Variants in TFCP2L1 observed in about 807,000 individuals in gnomAD.
TFCP2L1 encodes transcription factor CP2-like protein 1.
In TFCP2L1, 12 loss-of-function variants were observed where a neutral mutation model predicts 72.2. That is an observed-to-expected ratio of 0.17 (90% CI 0.11 to 0.27). The LOEUF is 0.27. Among genes scored for constraint, TFCP2L1 ranks in the 10% least tolerant of loss-of-function variants. The pLI, the probability that TFCP2L1 is intolerant of heterozygous loss-of-function variation, is 1.00. For missense variants in TFCP2L1, 488 were observed against 624.6 expected, an observed-to-expected ratio of 0.78 and a Z score of 2.33; for synonymous variants, 260 against 251.0, an observed-to-expected ratio of 1.04 and a Z score of -0.34.
rs376738163 is a variant in TFCP2L1 at position 121,248,169 on chromosome 2, T to C, written c.499A>G (p.Ile167Val). The C allele has an allele frequency of 2.5e-6, 4 of 1,613,640 alleles. No homozygotes were observed. Among genetic ancestry groups the C allele is most frequent in the Non-Finnish European group, 3.4e-6 (4 of 1,179,856 alleles). ...GCAAGCTCCCTGTGGCCCACCTGAA[T>C]GAATGCAGAAGCTCTCTTCGCAGGG... ...WDPAKRASAF[I>V]QVHCISTEFT... The change falls in exon 5 of 15, where the codon ATT becomes GTT. Residue 167 changes from isoleucine (I) to valine (V), a missense_variant. Coordinates refer to ENST00000263707, the MANE Select transcript of TFCP2L1 (RefSeq NM_014553.3).
chr2:121,283,304 C>G (rs769558913), intron 1 of TFCP2L1, among the ~76,000 whole-genome samples: 5 of 151,994 alleles, frequency 3.3e-5, no homozygotes, highest in Non-Finnish European at 7.4e-5. Context: ...AGTGAGGAGA[C>G]GACCAAAAAT....
chr2:121,280,058 A>G (rs963951885), intron 2 of TFCP2L1, among the ~76,000 whole-genome samples: 1 of 152,186 alleles, frequency 6.6e-6, no homozygotes, highest in African/African-American at 2.4e-5. Context: ...CCATCAGGAC[A>G]CTTGCCCACG....
intron 8 of TFCP2L1, among the ~76,000 whole-genome samples, chr2:121,238,915 C>A (rs1483773226): frequency 6.6e-6 from 1 of 152,048 alleles, no homozygotes; most frequent in Non-Finnish European, 1.5e-5. Context: ...GACGAACCTG[C>A]AAGCAGAAAA....
At chr2:121,228,113 G>T (rs1318800525) in intron 13 of TFCP2L1, among the ~76,000 whole-genome samples, 1 of 152,230 alleles carries the variant, frequency 6.6e-6, no homozygotes, top group Non-Finnish European at 1.5e-5. Context: ...ATAGATTCGG[G>T]GTTAAGAGGC....
Position 121,285,133 on chromosome 2 carries a change from C to CCGGGGCGCGGCAGCAAGCGCAGACG in TFCP2L1, c.-49_-25dup. ...ATGGCTGGAACTCCCAGCGCGCCGA[C>CCGGGGCGCGGCAGCAAGCGCAGACG]CGGGGCGCGGCAGCAAGCGCAGACG... On this transcript the variant is annotated 5_prime_UTR_variant, in exon 1 of 15. Coordinates refer to ENST00000263707, the MANE Select transcript of TFCP2L1 (RefSeq NM_014553.3). 2.0e-6 allele frequency: 3 copies of CCGGGGCGCGGCAGCAAGCGCAGACG among 1,481,202 alleles called. No individual in the cohort carries two copies. The highest frequency in any genetic ancestry group is 1.8e-4 in the Middle Eastern group (1 of 5,496). 91.8% of individuals were successfully genotyped at this position (1,481,202 alleles called of 1,614,324 possible).
At position 121,285,172 on chromosome 2, in the gene TFCP2L1, G is replaced by C; in HGVS notation, c.-63C>G. ...CAAGCGCAGACGCGGGGCGCGCCGA[G>C]GACCCAGCGGCGGCTTCGCGCTCCG... On this transcript the variant is annotated 5_prime_UTR_variant, in exon 1 of 15. Transcript: ENST00000263707. 3.0e-6 allele frequency: 4 copies of C among 1,355,694 alleles called. No homozygotes were observed. The highest frequency in any genetic ancestry group is 3.8e-6 in the Non-Finnish European group (4 of 1,049,760). The allele number at this position is 1,355,694 out of a possible 1,614,324, so 84.0% of individuals were successfully genotyped here.
intron 13 of TFCP2L1, among the ~76,000 whole-genome samples, chr2:121,228,023 C>A (rs1399615733): frequency 6.6e-6 from 1 of 152,252 alleles, no homozygotes; most frequent in Non-Finnish European, 1.5e-5. Context: ...TAATGAAGTG[C>A]CCTTGCACCC....
intron 2 of TFCP2L1, among the ~76,000 whole-genome samples, chr2:121,270,492 C>T (rs1687024629): frequency 6.6e-6 from 1 of 152,122 alleles, no homozygotes; most frequent in South Asian, 2.1e-4. Flanking sequence ...ATTTTCACTC[C>T]CGCTTAAACA....
At chr2:121,225,419 G>T in intron 14 of TFCP2L1, 143 bp downstream of exon 14, 1 of 782,254 alleles carries the variant, frequency 1.3e-6, no homozygotes, top group Non-Finnish European at 2.1e-6. Context: ...CATTTCTAGG[G>T]CTAGCTTTCA....
intron 2 of TFCP2L1, among the ~76,000 whole-genome samples, chr2:121,256,833 G>A (rs915962657): frequency 2.0e-5 from 3 of 152,000 alleles, no homozygotes; most frequent in African/African-American, 4.8e-5. Flanking sequence ...GTGGGTGCCT[G>A]TAATCCCAGC....
intron 8 of TFCP2L1, among the ~76,000 whole-genome samples, chr2:121,238,620 G>A (rs566832309): frequency 8.5e-5 from 13 of 152,222 alleles, no homozygotes; most frequent in Non-Finnish European, 1.6e-4. Flanking sequence ...GAAGACAGCC[G>A]CCACTTCTCG....
At chr2:121,269,082 C>G (rs1352497337) in intron 2 of TFCP2L1, among the ~76,000 whole-genome samples, 1 of 151,456 alleles carries the variant, frequency 6.6e-6, no homozygotes, top group Non-Finnish European at 1.5e-5. Context: ...GAAGGCATTT[C>G]CTAAATGGGA....
In TFCP2L1 at chr2:121,217,981, A is replaced by T. The variant is rs1685864014; in HGVS notation, c.*6360T>A. ...GGCAGGGTTAATGCAGAAACCGCTCATCTGAATGCTTCCCCTGCTTCCAAG... is the reference window on the plus strand; with the variant it reads ...GGCAGGGTTAATGCAGAAACCGCTCTTCTGAATGCTTCCCCTGCTTCCAAG... On this transcript the variant is annotated 3_prime_UTR_variant, in exon 15 of 15. Coordinates refer to ENST00000263707, the MANE Select transcript of TFCP2L1 (RefSeq NM_014553.3). 6.6e-6 allele frequency: 1 copy of T among 152,226 alleles called. No homozygotes were observed. Among genetic ancestry groups the T allele is most frequent in the Admixed American group, 6.5e-5 (1 of 15,286 alleles). 9.4% of individuals were successfully genotyped at this position (152,226 alleles called of 1,614,324 possible). A position where few individuals can be genotyped will look rare whatever the true frequency, so the allele number is the denominator to read the frequency against.
chr2:121,256,020 C>T (rs1254171792), intron 2 of TFCP2L1, among the ~76,000 whole-genome samples: 12 of 152,094 alleles, frequency 7.9e-5, no homozygotes, highest in South Asian at 2.1e-4. Context: ...GGATTACAGG[C>T]GTGAGCCACC....
In TFCP2L1 at chr2:121,242,426, A is replaced by G. The variant is rs1407101417; in HGVS notation, c.701T>C (p.Met234Thr). 5.0e-6 allele frequency: 8 copies of G among 1,613,990 alleles called. No individual in the cohort carries two copies. Among genetic ancestry groups the G allele is most frequent in the African/African-American group, 2.7e-5 (2 of 74,896 alleles). The change falls in exon 7 of 15, where the codon ATG becomes ACG. Residue 234 changes from methionine (M) to threonine (T), a missense_variant. Met to Thr is a moderately conservative substitution (Grantham distance 81, BLOSUM62 -1). This residue lies in a region of TFCP2L1 where 286 missense variants were observed against 329.0 expected (regional missense o/e 0.87). Transcript: ENST00000263707. ...CTTCTCTTGGGCAGTTCTTTTCTCC[A>G]TCTTCTCCCGGTCAGTCTTCTGTTT... Reference protein sequence around the residue: ...DRKQKTDREKMEKRTAQEKEK... With the variant: ...DRKQKTDREKTEKRTAQEKEK...
chr2:121,239,861 C>T (rs1686329590), intron 7 of TFCP2L1, among the ~76,000 whole-genome samples: 1 of 152,170 alleles, frequency 6.6e-6, no homozygotes, highest in Non-Finnish European at 1.5e-5. Flanking sequence ...AGTAAGTCAC[C>T]CCTGGAGCAA....
chr2:121,256,031 G>A (rs998235716), intron 2 of TFCP2L1, among the ~76,000 whole-genome samples: 6 of 152,050 alleles, frequency 3.9e-5, no homozygotes, highest in African/African-American at 9.7e-5. Flanking sequence ...GTGAGCCACC[G>A]TGCCCGGCCC....
chr2:121,259,776 A>G (rs1686798125), intron 2 of TFCP2L1, among the ~76,000 whole-genome samples: 1 of 152,218 alleles, frequency 6.6e-6, no homozygotes, highest in African/African-American at 2.4e-5. Flanking sequence ...TCTAATATAT[A>G]CATCTAACAA....
intron 2 of TFCP2L1, among the ~76,000 whole-genome samples, chr2:121,280,068 G>A (rs1331225733): frequency 2.0e-5 from 3 of 152,182 alleles, no homozygotes; most frequent in Admixed American, 6.5e-5. Context: ...ACTTGCCCAC[G>A]TGTTCTGGAA....
Sources: allele counts gnomAD v4.1 joint callset (sites outside exome capture counted in the v4.1 genomes callset), GRCh38; gene constraint gnomAD v4.1.1; regional missense constraint gnomAD v4.1.1; transcripts MANE v1.5; gene names NCBI Gene and HGNC (gene_info 2026-07-23, HGNC 2026-07-21).